MORC3: variants seen among roughly 807,000 people sequenced by gnomAD.
The protein encoded by MORC3 is MORC family CW-type zinc finger 3.
Under a neutral mutation model 109.1 loss-of-function variants are expected in MORC3, and 31 were observed. The ratio of observed to expected loss-of-function variants is 0.28; its 90% confidence interval spans 0.21 to 0.38. The LOEUF (loss-of-function observed/expected upper bound fraction) is 0.38. MORC3 is among the 10% of genes least tolerant of loss of function. MORC3 has a pLI of 1.00. For missense variants in MORC3, 867 were observed against 1,135.8 expected, an observed-to-expected ratio of 0.76 and a Z score of 3.40; for synonymous variants, 395 against 380.7, an observed-to-expected ratio of 1.04 and a Z score of -0.44.
At chr21:36,321,126 A>G (rs893212520) in intron 1 of MORC3, among the ~76,000 whole-genome samples, 6 of 152,204 alleles carry the variant, frequency 3.9e-5, no homozygotes, top group African/African-American at 1.4e-4. Context: ...TAGTGCCACT[A>G]ATTTTAACAT....
intron 1 of MORC3, among the ~76,000 whole-genome samples, chr21:36,332,147 A>G (rs938727022): frequency 6.6e-6 from 1 of 150,934 alleles, no homozygotes; most frequent in African/African-American, 2.4e-5. Context: ...TCTGAAAAAA[A>G]TAAGAGGCTG....
chr21:36,330,458 G>A (rs1238007562), intron 1 of MORC3, among the ~76,000 whole-genome samples: 9 of 151,966 alleles, frequency 5.9e-5, no homozygotes, highest in Admixed American at 3.3e-4. Context: ...GACTTGTCTC[G>A]CCTTTCTGAA....
intron 9 of MORC3, among the ~76,000 whole-genome samples, chr21:36,355,991 A>G (rs2085640801): frequency 6.6e-6 from 1 of 152,130 alleles, no homozygotes; most frequent in African/African-American, 2.4e-5. Flanking sequence ...GCACTAAACG[A>G]TTTTTACTGC....
At position 36,375,633 on chromosome 21, in the gene MORC3, G is replaced by A. The variant is rs1240705588; in HGVS notation, c.*337G>A. 1.2e-5 allele frequency: 2 copies of A among 161,908 alleles called. No individual in the cohort carries two copies. The highest frequency in any genetic ancestry group is 4.8e-5 in the African/African-American group (2 of 41,654). 10.0% of individuals were successfully genotyped at this position (161,908 alleles called of 1,614,324 possible). A position where few individuals can be genotyped will look rare whatever the true frequency, so the allele number is the denominator to read the frequency against. On this transcript the variant is annotated 3_prime_UTR_variant, in exon 17 of 17. Coordinates refer to ENST00000400485, the MANE Select transcript of MORC3 (RefSeq NM_015358.3). ...TTTTCAGGTTGCCCCTAAGCTTTGT[G>A]CAATTTTTTCTGGTTCCCCAAAGTG...
chr21:36,323,261 C>T (rs1036250119), intron 1 of MORC3, among the ~76,000 whole-genome samples: 1 of 152,184 alleles, frequency 6.6e-6, no homozygotes, highest in Non-Finnish European at 1.5e-5. Flanking sequence ...GACTGCCATT[C>T]TGAAGCCTAC....
chr21:36,345,851 C>T (rs1250097988), intron 8 of MORC3, among the ~76,000 whole-genome samples: 1 of 151,558 alleles, frequency 6.6e-6, no homozygotes, highest in Non-Finnish European at 1.5e-5. Context: ...GCCACCGCGC[C>T]CGGCTTTATT....
At chr21:36,320,439 G>A in intron 1 of MORC3, 136 bp downstream of exon 1, 1 of 849,128 alleles carries the variant, frequency 1.2e-6, no homozygotes, top group Non-Finnish European at 1.6e-6. Flanking sequence ...CGGGGAGGGG[G>A]CGGCCATCTC....
intron 14 of MORC3, among the ~76,000 whole-genome samples, chr21:36,368,012 C>G (rs1207665794): frequency 2.0e-5 from 3 of 152,034 alleles, no homozygotes; most frequent in Admixed American, 2.0e-4. Flanking sequence ...CTGTGCTCGC[C>G]CAATATGAGA....
intron 15 of MORC3, among the ~76,000 whole-genome samples, chr21:36,370,688 CA>C (rs1160015339): frequency 1.0e-5 from 1 of 95,856 alleles, no homozygotes; most frequent in African/African-American, 4.1e-5. Context: ...CTTCTTGAGA[CA>C]GAATTTCGCT....
Position 36,355,441 on chromosome 21 carries a change from A to G in MORC3, c.1104-1179A>G, listed in dbSNP as rs143865374. ...CTATTTGTGCAACCAAAAGACTGGC[A>G]GCTGGTGTTTGTCTTTTCTCTTCAA... On this transcript the variant is annotated intron_variant, in intron 9 of 16. Transcript: ENST00000400485. Among the ~76,000 whole-genome samples, 197 of 152,298 alleles carry G rather than the reference A, an allele frequency of 1.3e-3. 1 individual carries two copies. Among genetic ancestry groups the G allele is most frequent in the East Asian group, 0.012 (61 of 5,184 alleles).
chr21:36,334,073 C>T (rs1036573357), intron 2 of MORC3, among the ~76,000 whole-genome samples: 13 of 151,996 alleles, frequency 8.6e-5, no homozygotes, highest in African/African-American at 3.1e-4. Context: ...AGGTGTGAGC[C>T]ACCGCACCCG....
rs1465663771 is a variant in MORC3, at chr21:36,375,708, C to T, written c.*412C>T. The T allele has an allele frequency of 6.5e-6, 1 of 153,414 alleles. No individual in the cohort carries two copies. The highest frequency in any genetic ancestry group is 1.5e-5 in the Non-Finnish European group (1 of 68,690). The allele number at this position is 153,414 out of a possible 1,614,324, so 9.5% of individuals were successfully genotyped here. A position where few individuals can be genotyped will look rare whatever the true frequency, so the allele number is the denominator to read the frequency against. On this transcript the variant is annotated 3_prime_UTR_variant, in exon 17 of 17. Coordinates refer to ENST00000400485, the MANE Select transcript of MORC3 (RefSeq NM_015358.3). ...TGCCATAATACAAATGGAAATGTTACCTTTGATTTTCTTATAAAGGAGTTT... is the reference window on the plus strand; with the variant it reads ...TGCCATAATACAAATGGAAATGTTATCTTTGATTTTCTTATAAAGGAGTTT...
At chr21:36,373,623 CA>C (rs924131996) in intron 16 of MORC3, among the ~76,000 whole-genome samples, 3,219 of 117,278 alleles carry the variant, frequency 0.027, 53 homozygotes, top group Admixed American at 0.058. Context: ...AACTCCGTCT[CA>C]AAAAAAAAAA....
intron 1 of MORC3, among the ~76,000 whole-genome samples, chr21:36,324,999 G>A (rs911953763): frequency 1.3e-5 from 2 of 152,028 alleles, no homozygotes; most frequent in African/African-American, 4.8e-5. Flanking sequence ...GTGAGCCACC[G>A]CGCCTGGCAG....
chr21:36,341,879 A>G (rs1382019668), intron 6 of MORC3, among the ~76,000 whole-genome samples: 2 of 152,212 alleles, frequency 1.3e-5, no homozygotes, highest in African/African-American at 4.8e-5. Context: ...TATATTAGTC[A>G]GTATATGGTG....
intron 10 of MORC3, 122 bp from the exon 11 acceptor site, chr21:36,359,833 G>A (rs1184111135): frequency 1.7e-5 from 24 of 1,406,436 alleles, no homozygotes; most frequent in South Asian, 1.0e-4. Flanking sequence ...AAAGAGTTAC[G>A]TCATAATTTT....
chr21:36,374,470 A>G (rs2085906673), intron 16 of MORC3, among the ~76,000 whole-genome samples: 1 of 152,086 alleles, frequency 6.6e-6, no homozygotes, highest in East Asian at 1.9e-4. Flanking sequence ...ATTACCTCTT[A>G]CACAACTATG....
At chr21:36,328,887 C>G (rs895261317) in intron 1 of MORC3, among the ~76,000 whole-genome samples, 36 of 135,678 alleles carry the variant, frequency 2.7e-4, no homozygotes, top group African/African-American at 8.1e-4. Flanking sequence ...ATAAAATATA[C>G]TAACGATAGC....
Position 36,364,089 on chromosome 21 carries a change from A to C in MORC3, c.1453-4A>C, listed in dbSNP as rs750266721. The C allele has an allele frequency of 6.2e-6, 10 of 1,610,336 alleles. No individual in the cohort carries two copies. The highest frequency in any genetic ancestry group is 8.5e-6 in the Non-Finnish European group (10 of 1,178,852). On this transcript the variant is annotated splice_region_variant and splice_polypyrimidine_tract_variant and intron_variant, in intron 13 of 16. Transcript: ENST00000400485. Reference sequence around the variant, plus strand: ...TTTAAGGTGATGATTTTTCCCTCCAACAGATTAATGCTGAACTGTTGTTTC... The same window carrying C: ...TTTAAGGTGATGATTTTTCCCTCCACCAGATTAATGCTGAACTGTTGTTTC...
Sources: gnomAD v4.1 joint callset for allele counts (sites outside exome capture counted in the v4.1 genomes callset) on GRCh38, gnomAD v4.1.1 for gene constraint, MANE v1.5 for transcripts, NCBI Gene and HGNC (gene_info 2026-07-23, HGNC 2026-07-21) for gene names.